The following ZRANB1 variants were observed in gnomAD, a reference collection of about 807,000 sequenced individuals.
The protein encoded by ZRANB1 is zinc finger RANBP2-type containing 1, also known as ubiquitin thioesterase ZRANB1.
ZRANB1 carries 16 observed loss-of-function variants against 80.5 expected under a neutral mutation model. The ratio of observed to expected loss-of-function variants is 0.20; its 90% CI spans 0.13 to 0.30. The LOEUF (loss-of-function observed/expected upper bound fraction) is 0.30, where lower values mean the gene tolerates loss of function less well. Among genes scored for constraint, ZRANB1 ranks in the 10% least tolerant of loss-of-function variants. The probability of loss-of-function intolerance (pLI) is 1.00; values close to 1 mark genes in which losing one functional copy is unlikely to be tolerated. For missense variants in ZRANB1, 576 were observed against 862.6 expected, an observed-to-expected ratio of 0.67 and a Z score of 4.16; for synonymous variants, 291 against 293.1, an observed-to-expected ratio of 0.99 and a Z score of 0.07.
In ZRANB1 at chr10:124,983,663, A is replaced by T. The variant is rs1463049401; in HGVS notation, c.1883A>T (p.His628Leu). 1 of 1,602,786 alleles carries T rather than the reference A, an allele frequency of 6.2e-7. No individual in the cohort carries two copies. Among genetic ancestry groups the T allele is most frequent in the Non-Finnish European group, 8.5e-7 (1 of 1,173,444 alleles). Reference protein sequence around the residue: ...PLVDSERKLLHVHFLSAQELG... With the variant: ...PLVDSERKLLLVHFLSAQELG... ...GTTGACAGTGAAAGGAAGCTACTCC[A>T]TGTGCACTTCCTTTCTGCTCAGGAG... The change falls in exon 8 of 9, where the codon CAT becomes CTT. Residue 628 changes from histidine to leucine, a missense_variant. Physicochemically the swap from His to Leu is moderately conservative, Grantham distance 99. This residue lies in a region of ZRANB1 where 152 missense variants were observed against 221.9 expected (regional missense o/e 0.69). Transcript: ENST00000359653. This position sits in a 1 kb window ranked among gnomAD's most constrained non-coding sequence, Gnocchi z 6.2.
the ZRANB1 span, among the ~76,000 whole-genome samples, chr10:124,921,537 GTC>G: frequency 6.6e-6 from 1 of 152,156 alleles, no homozygotes; most frequent in Non-Finnish European, 1.5e-5. Flanking sequence ...TGGGTACACA[GTC>G]TCTTGGCACT....
At chr10:124,946,631 A>G (rs1474274885) in intron 1 of ZRANB1, among the ~76,000 whole-genome samples, 5 of 152,192 alleles carry the variant, frequency 3.3e-5, no homozygotes, top group Non-Finnish European at 7.3e-5. Context: ...AATTTTTACT[A>G]TTAACTCTAC....
At chr10:124,920,572 C>T in the ZRANB1 span, among the ~76,000 whole-genome samples, 6 of 152,140 alleles carry the variant, frequency 3.9e-5, no homozygotes, top group African/African-American at 1.4e-4. Context: ...GCTTGTTGTT[C>T]CTATGAAGTC....
rs73373139 is a variant in ZRANB1, at chr10:124,957,550, A to C, written c.815-9044A>C. On this transcript the variant is annotated intron_variant, in intron 1 of 8. Coordinates refer to ENST00000359653, the MANE Select transcript of ZRANB1 (RefSeq NM_017580.3). ...GAAAACTGAAACTCTGTATCCATTA[A>C]ATAGCTCCATTCCCCCTTCCTCCAG... 6.3e-3 allele frequency among the ~76,000 whole-genome samples: 959 copies of C among 152,214 alleles called. 5 individuals are homozygous for C. The highest frequency in any genetic ancestry group is 0.022 in the African/African-American group (905 of 41,522).
rs17152448 is a variant in ZRANB1 at position 124,987,076 on chromosome 10, C to G, written c.*2084C>G. The G allele has an allele frequency of 0.14, 21,517 of 152,540 alleles. 1,527 individuals are homozygous for G. Among genetic ancestry groups the G allele is most frequent in the East Asian group, 0.21 (1,091 of 5,178 alleles). 9.4% of individuals were successfully genotyped at this position (152,540 alleles called of 1,614,324 possible). ...ATGGTTCCATTTCCTAGGCTACAGA[C>G]AGGAATGGGGCTCTAAATGGTTTTC... On this transcript the variant is annotated 3_prime_UTR_variant, in exon 9 of 9. Coordinates refer to ENST00000359653, the MANE Select transcript of ZRANB1 (RefSeq NM_017580.3).
intron 1 of ZRANB1, among the ~76,000 whole-genome samples, chr10:124,961,682 G>A (rs903463263): frequency 6.6e-6 from 1 of 152,218 alleles, no homozygotes; most frequent in Admixed American, 6.5e-5. Flanking sequence ...ACAACTTACA[G>A]ATAATTTAGA....
At chr10:124,948,748 T>C (rs1448465323) in intron 1 of ZRANB1, among the ~76,000 whole-genome samples, 2 of 152,196 alleles carry the variant, frequency 1.3e-5, no homozygotes, top group Non-Finnish European at 2.9e-5. Context: ...CTCTCTACTC[T>C]AGAATTTAAG....
intron 1 of ZRANB1, among the ~76,000 whole-genome samples, chr10:124,957,321 A>G (rs934587806): frequency 2.6e-5 from 4 of 152,154 alleles, no homozygotes; most frequent in African/African-American, 9.7e-5. Flanking sequence ...TATAGGTGAT[A>G]TTATTTGAGG....
At chr10:124,941,526 T>C (rs922438184), upstream of ZRANB1, among the ~76,000 whole-genome samples, 3 of 152,088 alleles carry the variant, frequency 2.0e-5, no homozygotes, top group African/African-American at 7.2e-5. Flanking sequence ...CTAATTTTTG[T>C]ATTTTTATAG....
the ZRANB1 span, among the ~76,000 whole-genome samples, chr10:124,930,745 T>G: frequency 6.6e-6 from 1 of 152,212 alleles, no homozygotes; most frequent in African/African-American, 2.4e-5. Context: ...ACTTAAAAGA[T>G]TAATCATGGC....
rs1314794290 is a variant in ZRANB1, at chr10:124,986,479, GTTCT to G, written c.*1491_*1494del. The G allele has an allele frequency of 8.5e-5, 13 of 152,152 alleles. No individual in the cohort carries two copies. Among genetic ancestry groups the G allele is most frequent in the Non-Finnish European group, 1.8e-4 (12 of 68,028 alleles). The allele number at this position is 152,152 out of a possible 1,614,324, so 9.4% of individuals were successfully genotyped here. On this transcript the variant is annotated 3_prime_UTR_variant, in exon 9 of 9. Transcript: ENST00000359653. ...TACCCACAAAACTGTCATGTCTTTAGTTCTTTCCCCCCGAAAACTCAGTAAAAAG... is the reference window on the plus strand; with the variant it reads ...TACCCACAAAACTGTCATGTCTTTAGTTCCCCCCGAAAACTCAGTAAAAAG...
chr10:124,938,461 G>T (rs1951506703), upstream of ZRANB1, among the ~76,000 whole-genome samples: 1 of 151,928 alleles, frequency 6.6e-6, no homozygotes, highest in South Asian at 2.1e-4. Context: ...TGAGTAGCTG[G>T]GACTACAGGC....
intron 1 of ZRANB1, among the ~76,000 whole-genome samples, chr10:124,955,282 C>G (rs1168568428): frequency 1.3e-5 from 2 of 151,076 alleles, no homozygotes; most frequent in Non-Finnish European, 2.9e-5. Context: ...GTTGCGCAGG[C>G]TAGAGTGCAG....
chr10:124,951,825 C>T (rs1292838257), intron 1 of ZRANB1, among the ~76,000 whole-genome samples: 4 of 151,868 alleles, frequency 2.6e-5, no homozygotes, highest in South Asian at 2.1e-4. Flanking sequence ...GGTGTGGTGG[C>T]GGGCATCTGT....
chr10:124,930,509 G>A, the ZRANB1 span, among the ~76,000 whole-genome samples: 3 of 152,084 alleles, frequency 2.0e-5, no homozygotes, highest in East Asian at 1.9e-4. Flanking sequence ...TAGGTGATCC[G>A]CCTGCCTTGG....
At chr10:124,969,849 A>G (rs1040622300) in intron 2 of ZRANB1, among the ~76,000 whole-genome samples, 1 of 152,142 alleles carries the variant, frequency 6.6e-6, no homozygotes, top group Non-Finnish European at 1.5e-5. Flanking sequence ...GTTGAGAACC[A>G]TAAGGTTGAA....
chr10:124,936,219 A>G, the ZRANB1 span, among the ~76,000 whole-genome samples: 1 of 152,184 alleles, frequency 6.6e-6, no homozygotes, highest in Non-Finnish European at 1.5e-5. Context: ...ATACTGTTGC[A>G]GAAGAGCCTC....
chr10:124,983,047 T>C lies in ZRANB1; in HGVS notation c.1549-128T>C, dbSNP rs1951953851. Reference sequence around the variant, plus strand: ...ATTATTTGAGGAATCAAATGCTGCTTTGACAATCTTTTCTTTCTTAAAAAC... The same window carrying C: ...ATTATTTGAGGAATCAAATGCTGCTCTGACAATCTTTTCTTTCTTAAAAAC... On this transcript the variant is annotated intron_variant, in intron 6 of 8. Transcript: ENST00000359653. This position sits in a 1 kb window ranked among gnomAD's most constrained non-coding sequence, Gnocchi z 6.2. The C allele has an allele frequency of 8.8e-6, 8 of 907,402 alleles. No individual in the cohort carries two copies. The highest frequency in any genetic ancestry group is 5.8e-5 in the Admixed American group (2 of 34,726). The allele number at this position is 907,402 out of a possible 1,614,324, so 56.2% of individuals were successfully genotyped here.
chr10:124,958,126 C>A (rs866131543), intron 1 of ZRANB1, among the ~76,000 whole-genome samples: 1 of 152,182 alleles, frequency 6.6e-6, no homozygotes, highest in African/African-American at 2.4e-5. Flanking sequence ...TATATTATTT[C>A]TTTTTCACCA....
Sources: gnomAD v4.1 joint callset for allele counts (sites outside exome capture counted in the v4.1 genomes callset) on GRCh38, gnomAD v4.1.1 for gene constraint, gnomAD v4.1.1 regional missense constraint, Gnocchi (gnomAD v3.1) non-coding constraint, MANE v1.5 for transcripts, NCBI Gene and HGNC (gene_info 2026-07-23, HGNC 2026-07-21) for gene names.